PIBF1: variants seen among roughly 807,000 people sequenced by gnomAD.
PIBF1 encodes the protein progesterone-induced-blocking factor 1.
In PIBF1, 90 loss-of-function variants were observed where a neutral mutation model predicts 112.5. The ratio of observed to expected loss-of-function variants is 0.80; its 90% CI spans 0.67 to 0.95. PIBF1 has a LOEUF of 0.95. PIBF1 is among the 40% of genes least tolerant of loss of function. PIBF1 has a pLI of 0.00. For synonymous variants in PIBF1, 301 were observed against 288.6 expected, an observed-to-expected ratio of 1.04 and a Z score of -0.44; for missense variants, 915 against 852.3, an observed-to-expected ratio of 1.07 and a Z score of -0.92.
chr13:72,840,931 T>C (rs2037583281), intron 9 of PIBF1, among the ~76,000 whole-genome samples: 1 of 152,258 alleles, frequency 6.6e-6, no homozygotes, highest in East Asian at 1.9e-4. Context: ...ACTTTTTCTT[T>C]TCTCTTCTTT....
In PIBF1 at chr13:72,795,381, C is replaced by T. The variant is rs2035141113; in HGVS notation, c.376C>T (p.Gln126Ter). ...TAGCAAATATCAAGAATTAATGAAA[C>T]AAGAAATGGAAACCATTTTGTTGAG... ...DASKYQELMKQEMETILLRQK... is the reference protein window; with the variant it reads ...DASKYQELMK The change falls in exon 4 of 18, where the codon CAA (glutamine) becomes TAA (stop). Residue 126 changes from glutamine (Q) to a stop codon, truncating the protein, a stop_gained. Coordinates refer to ENST00000326291, the MANE Select transcript of PIBF1 (RefSeq NM_006346.4). LOFTEE classifies it high-confidence loss of function. The T allele has an allele frequency of 6.3e-7, 1 of 1,593,452 alleles. No homozygotes were observed. The highest frequency in any genetic ancestry group is 1.8e-5 in the Admixed American group (1 of 55,644).
intron 16 of PIBF1, among the ~76,000 whole-genome samples, chr13:72,987,714 G>A (rs570410453): frequency 5.5e-5 from 8 of 144,984 alleles, no homozygotes; most frequent in South Asian, 2.2e-4. Flanking sequence ...GTCTTGCTAT[G>A]TTGCCCAGGC....
rs186542368 is a variant in PIBF1, at chr13:72,848,583, C to T, written c.1224-5474C>T. The stretch of plus-strand genomic sequence containing the variant: ...ACTCTTGGCCGGGCGCGGTGGCTCA[C>T]GCCTGTAGTCCCAGCACTTTGGGAG... On this transcript the variant is annotated intron_variant, in intron 9 of 17. Coordinates refer to ENST00000326291, the MANE Select transcript of PIBF1 (RefSeq NM_006346.4). Among the ~76,000 whole-genome samples, 44 of 152,272 alleles carry T rather than the reference C, an allele frequency of 2.9e-4. No individual in the cohort carries two copies. The South Asian group carries it at 3.1e-3, about 11-fold the overall frequency.
chr13:72,940,715 T>C (rs1389261261), intron 14 of PIBF1, among the ~76,000 whole-genome samples: 1 of 152,088 alleles, frequency 6.6e-6, no homozygotes, highest in Non-Finnish European at 1.5e-5. Flanking sequence ...CAGAGAAGGG[T>C]TTATCGTAAG....
chr13:72,853,779 G>A (rs963962515), intron 9 of PIBF1, among the ~76,000 whole-genome samples: 9 of 151,984 alleles, frequency 5.9e-5, no homozygotes, highest in Non-Finnish European at 1.2e-4. Context: ...TTGGATTCTC[G>A]TAAGGAATAC....
chr13:73,004,476 C>T (rs1235747220), intron 17 of PIBF1, among the ~76,000 whole-genome samples: 4 of 134,442 alleles, frequency 3.0e-5, no homozygotes, highest in African/African-American at 5.8e-5. Flanking sequence ...GTGTGAAGAG[C>T]GAGATTCTGT....
chr13:72,807,569 T>A (rs1303740176), intron 5 of PIBF1, among the ~76,000 whole-genome samples: 1 of 21,910 alleles, frequency 4.6e-5, no homozygotes, highest in Non-Finnish European at 8.9e-5. Flanking sequence ...AGCAAGAGTT[T>A]GTCTCAAAAA....
chr13:72,928,026 C>CATAT (rs67144729), intron 13 of PIBF1, among the ~76,000 whole-genome samples: 41 of 118,622 alleles, frequency 3.5e-4, no homozygotes, highest in African/African-American at 1.4e-3. Flanking sequence ...CATATATATA[C>CATAT]ATATATATAT....
chr13:72,996,032 T>C (rs762660334), intron 16 of PIBF1, among the ~76,000 whole-genome samples: 3 of 122,902 alleles, frequency 2.4e-5, no homozygotes, highest in African/African-American at 6.2e-5. Flanking sequence ...GAAGAAAAGA[T>C]TGACATATTC....
chr13:72,789,189 G>C (rs577244932), intron 2 of PIBF1, among the ~76,000 whole-genome samples: 53 of 151,798 alleles, frequency 3.5e-4, no homozygotes, highest in African/African-American at 1.2e-3. Context: ...CTCTGTTCTT[G>C]CCTTTCAAAT....
intron 16 of PIBF1, among the ~76,000 whole-genome samples, chr13:72,983,424 A>G (rs2043200954): frequency 6.6e-6 from 1 of 152,150 alleles, no homozygotes; most frequent in Non-Finnish European, 1.5e-5. Flanking sequence ...GAATTAATCA[A>G]CCACTCCTTA....
At chr13:72,898,373 AACAG>A (rs1216024259) in intron 11 of PIBF1, among the ~76,000 whole-genome samples, 2 of 120,966 alleles carry the variant, frequency 1.7e-5, no homozygotes, top group Non-Finnish European at 4.2e-5. Context: ...AAAGAGCACA[AACAG>A]ACAATCTAAG....
intron 2 of PIBF1, among the ~76,000 whole-genome samples, chr13:72,787,193 C>CT (rs2138337734): frequency 6.6e-6 from 1 of 152,220 alleles, no homozygotes; most frequent in East Asian, 1.9e-4. Flanking sequence ...TATTTTTTCA[C>CT]TTATTTGTTT....
chr13:73,011,027 T>C (rs1296173061), intron 17 of PIBF1, among the ~76,000 whole-genome samples: 4 of 151,676 alleles, frequency 2.6e-5, no homozygotes, highest in Non-Finnish European at 5.9e-5. Context: ...GGTTTCACCA[T>C]GTTGGCCAGG....
chr13:72,819,043 A>G (rs183594349), intron 5 of PIBF1, among the ~76,000 whole-genome samples: 5 of 152,220 alleles, frequency 3.3e-5, no homozygotes, highest in African/African-American at 1.2e-4. Context: ...GTGTCCTTCC[A>G]ACAAATCTAC....
intron 17 of PIBF1, among the ~76,000 whole-genome samples, chr13:73,000,359 A>G (rs1038112435): frequency 6.6e-6 from 1 of 152,164 alleles, no homozygotes; most frequent in African/African-American, 2.4e-5. Flanking sequence ...CTAACAATCT[A>G]ATTGGCATAG....
chr13:72,827,079 CATG>C lies in PIBF1; in HGVS notation c.879_881del (p.Met293del). The C allele has an allele frequency of 6.2e-7, 1 of 1,602,634 alleles. No individual in the cohort carries two copies. The highest frequency in any genetic ancestry group is 2.3e-5 in the East Asian group (1 of 44,428). ...AACATGAAATACTTGAAGCCTCTCA[CATG>C]ATTCAAACAAAAGAACGAAGTGAAT... On this transcript the variant is annotated inframe_deletion, in exon 7 of 18. Transcript: ENST00000326291.
chr13:72,966,162 G>C (rs1041888255), intron 15 of PIBF1, among the ~76,000 whole-genome samples: 1 of 151,982 alleles, frequency 6.6e-6, no homozygotes, highest in African/African-American at 2.4e-5. Context: ...TTAAATCAAG[G>C]AATTGGAAAA....
chr13:72,933,842 A>G (rs565415228), intron 14 of PIBF1, among the ~76,000 whole-genome samples: 1 of 152,342 alleles, frequency 6.6e-6, no homozygotes, highest in African/African-American at 2.4e-5. Flanking sequence ...AATATTTATG[A>G]TGTGAAATGG....
Sources: allele counts gnomAD v4.1 joint callset (sites outside exome capture counted in the v4.1 genomes callset), GRCh38; gene constraint gnomAD v4.1.1; transcripts MANE v1.5; gene names NCBI Gene and HGNC (gene_info 2026-07-23, HGNC 2026-07-21).